Variants in CSMD3 observed in about 807,000 individuals in gnomAD.
CSMD3 encodes the protein CUB and Sushi multiple domains 3.
Under a neutral mutation model 435.2 loss-of-function variants are expected in CSMD3, and 177 were observed. The ratio of observed to expected loss-of-function variants is 0.41; its 90% CI spans 0.36 to 0.46. The LOEUF is 0.46. Among genes scored for constraint, CSMD3 ranks in the 20% least tolerant of loss-of-function variants. CSMD3 has a pLI of 0.34. For missense variants in CSMD3, 4,265 were observed against 4,504.6 expected (o/e 0.95, Z 1.52); for synonymous variants, 1,656 against 1,520.5 (o/e 1.09, Z -2.07).
intron 10 of CSMD3, among the ~76,000 whole-genome samples, chr8:112,900,198 G>A (rs2082074335): frequency 6.6e-6 from 1 of 151,144 alleles, no homozygotes; most frequent in Non-Finnish European, 1.5e-5. Flanking sequence ...GGATTCAGTA[G>A]GCTATTTGCA....
intron 45 of CSMD3, among the ~76,000 whole-genome samples, chr8:112,328,993 G>T (rs543466938): frequency 6.6e-6 from 1 of 152,222 alleles, no homozygotes; most frequent in East Asian, 1.9e-4. Flanking sequence ...ACCTAGAAAA[G>T]AAATAACAGA....
chr8:112,710,976 C>CCAA (rs779396644), intron 13 of CSMD3, among the ~76,000 whole-genome samples: 1 of 151,788 alleles, frequency 6.6e-6, no homozygotes. Context: ...GCCCAGCCAG[C>CCAA]CAACAGGGTA....
chr8:113,332,806 G>T (rs1483822127), intron 1 of CSMD3, among the ~76,000 whole-genome samples: 3 of 151,488 alleles, frequency 2.0e-5, no homozygotes, highest in African/African-American at 4.8e-5. Flanking sequence ...CATATATGAT[G>T]CAAGGGAACC....
chr8:112,718,526 T>C (rs2131956349), intron 13 of CSMD3, among the ~76,000 whole-genome samples: 1 of 150,464 alleles, frequency 6.6e-6, no homozygotes, highest in East Asian at 1.9e-4. Context: ...TATATATATA[T>C]ATATATATAT....
At chr8:112,620,435 A>G (rs934016370) in intron 22 of CSMD3, among the ~76,000 whole-genome samples, 2 of 152,176 alleles carry the variant, frequency 1.3e-5, no homozygotes, top group Non-Finnish European at 2.9e-5. Context: ...GACAGACAAA[A>G]TGAGTTCCCC....
chr8:113,115,287 C>A (rs1473627269), intron 4 of CSMD3, among the ~76,000 whole-genome samples: 1 of 152,132 alleles, frequency 6.6e-6, no homozygotes, highest in Non-Finnish European at 1.5e-5. Flanking sequence ...GAGGTGTTCT[C>A]CTTTTTATTT....
At chr8:112,278,710 T>C (rs1818327291) in intron 59 of CSMD3, among the ~76,000 whole-genome samples, 1 of 152,108 alleles carries the variant, frequency 6.6e-6, no homozygotes, top group East Asian at 1.9e-4. Context: ...ATACCTAAAC[T>C]CAGATGGCTT....
intron 10 of CSMD3, among the ~76,000 whole-genome samples, chr8:112,912,110 T>C (rs1328856988): frequency 6.7e-6 from 1 of 149,684 alleles, no homozygotes; most frequent in East Asian, 2.0e-4. Context: ...ACATAACATA[T>C]ATCCATTATA....
intron 13 of CSMD3, among the ~76,000 whole-genome samples, chr8:112,710,063 A>C (rs923661701): frequency 1.3e-5 from 2 of 152,154 alleles, no homozygotes; most frequent in African/African-American, 4.8e-5. Flanking sequence ...ACAGCACTGC[A>C]ATCTCCCAGT....
In CSMD3 at chr8:112,346,189, T is replaced by A. The variant is rs1221907590; in HGVS notation, c.6350A>T (p.Asp2117Val). Residue 2117 changes from aspartate to valine, a missense_variant, in exon 41 of 71, where the codon GAC (aspartate) becomes GTC (valine). Asp to Val is a radical substitution (Grantham distance 152). Around this residue, in one of 3 missense-constraint regions of CSMD3, gnomAD observed 3,255 missense variants for 3,380.2 expected, o/e 0.96. Coordinates refer to ENST00000297405, the MANE Select transcript of CSMD3 (RefSeq NM_198123.2). ...CLAQCGGAMS[D>V]FSGVILSPGF... ...AGGACTGAGGATCACACCACTGAAG[T>A]CTGACATAGCACCACCACACTGAGC... is the stretch of plus-strand genomic sequence containing the variant. 1 of 1,612,614 alleles carries A rather than the reference T, an allele frequency of 6.2e-7. No individual in the cohort carries two copies. The highest frequency in any genetic ancestry group is 8.5e-7 in the Non-Finnish European group (1 of 1,178,642).
At chr8:112,314,366 C>T (rs2130834810) in intron 48 of CSMD3, 63 bp downstream of exon 48, 1 of 1,199,478 alleles carries the variant, frequency 8.3e-7, no homozygotes, top group Admixed American at 1.7e-5. Flanking sequence ...TCAAAGTTTA[C>T]ATGTATAATT....
intron 32 of CSMD3, among the ~76,000 whole-genome samples, chr8:112,441,656 T>G (rs925789427): frequency 6.6e-6 from 1 of 152,146 alleles, no homozygotes. Context: ...TTTGGGAAAT[T>G]TACAATCATG....
At chr8:113,152,286 T>C (rs1252722663) in intron 4 of CSMD3, among the ~76,000 whole-genome samples, 1 of 152,036 alleles carries the variant, frequency 6.6e-6, no homozygotes, top group Non-Finnish European at 1.5e-5. Flanking sequence ...ATACCACTTA[T>C]GTAACTTTTA....
At chr8:112,943,143 GT>G (rs1333783355) in intron 9 of CSMD3, among the ~76,000 whole-genome samples, 1 of 151,474 alleles carries the variant, frequency 6.6e-6, no homozygotes, top group Non-Finnish European at 1.5e-5. Flanking sequence ...TGACAATTCT[GT>G]TTTGATGTTT....
chr8:112,986,739 C>T (rs2085267989), intron 6 of CSMD3, among the ~76,000 whole-genome samples: 1 of 151,958 alleles, frequency 6.6e-6, no homozygotes, highest in Non-Finnish European at 1.5e-5. Flanking sequence ...CCAGTAAGAA[C>T]TTATTGCTCT....
intron 31 of CSMD3, among the ~76,000 whole-genome samples, chr8:112,480,799 CA>C (rs1380974362): frequency 6.6e-6 from 1 of 152,152 alleles, no homozygotes; most frequent in Admixed American, 6.5e-5. Flanking sequence ...TACCCAGTTT[CA>C]GGTACTCCTT....
chr8:113,046,613 T>C (rs1274563779), intron 5 of CSMD3, among the ~76,000 whole-genome samples: 1 of 152,172 alleles, frequency 6.6e-6, no homozygotes, highest in African/African-American at 2.4e-5. Context: ...CAACAACCTA[T>C]ATCAGACATG....
At chr8:112,354,622 T>C (rs11777694) in intron 38 of CSMD3, among the ~76,000 whole-genome samples, 65,270 of 151,928 alleles carry the variant, frequency 0.43, 14,665 homozygotes, top group Middle Eastern at 0.54. Context: ...AAATAAAACA[T>C]GTAGCAATAC....
intron 23 of CSMD3, among the ~76,000 whole-genome samples, chr8:112,577,959 A>G (rs1830068323): frequency 6.6e-6 from 1 of 152,136 alleles, no homozygotes; most frequent in South Asian, 2.1e-4. Flanking sequence ...GAAATTACAC[A>G]TGAACATATG....
Sources: gnomAD v4.1 joint callset for allele counts (sites outside exome capture counted in the v4.1 genomes callset) on GRCh38, gnomAD v4.1.1 for gene constraint, gnomAD v4.1.1 regional missense constraint, MANE v1.5 for transcripts, NCBI Gene and HGNC (gene_info 2026-07-23, HGNC 2026-07-21) for gene names.